Variants in ARID5B observed in about 807,000 individuals in gnomAD.
ARID5B encodes AT-rich interaction domain 5B.
ARID5B carries 13 observed loss-of-function variants against 97.2 expected under a neutral mutation model. That is an observed-to-expected ratio of 0.13 (90% CI 0.09 to 0.21). The LOEUF is 0.21. ARID5B is among the 10% of genes least tolerant of loss of function. The pLI is 1.00. For missense variants in ARID5B, 1,210 were observed against 1,465.3 expected, an observed-to-expected ratio of 0.83 and a Z score of 2.84; for synonymous variants, 556 against 570.3, an observed-to-expected ratio of 0.97 and a Z score of 0.36.
chr10:62,093,057 C>A lies in ARID5B; in HGVS notation c.*27C>A. The A allele has an allele frequency of 6.3e-7, 1 of 1,576,276 alleles. No individual in the cohort carries two copies. The highest frequency in any genetic ancestry group is 8.6e-7 in the Non-Finnish European group (1 of 1,166,894). ...CTCAGCTCTGCCCAGCAGTCCAAAGCGGCATGGCCAACAGAGCTTCACTCC... is the reference window on the plus strand; with the variant it reads ...CTCAGCTCTGCCCAGCAGTCCAAAGAGGCATGGCCAACAGAGCTTCACTCC... On this transcript the variant is annotated 3_prime_UTR_variant, in exon 10 of 10. Coordinates refer to ENST00000279873, the MANE Select transcript of ARID5B (RefSeq NM_032199.3).
intron 2 of ARID5B, among the ~76,000 whole-genome samples, chr10:61,933,683 G>A (rs946862350): frequency 1.3e-5 from 2 of 152,170 alleles, no homozygotes; most frequent in African/African-American, 4.8e-5. Context: ...TGAGCAATAG[G>A]TCTCAACAGC....
intron 2 of ARID5B, among the ~76,000 whole-genome samples, chr10:61,939,523 A>C (rs80342318): frequency 0.023 from 3,525 of 152,254 alleles, 124 homozygotes; most frequent in African/African-American, 0.08. Context: ...CCTCTACCCC[A>C]TCTGTATTAA....
chr10:61,949,639 AC>A (rs1293825284), intron 3 of ARID5B, among the ~76,000 whole-genome samples: 1 of 152,050 alleles, frequency 6.6e-6, no homozygotes, highest in Non-Finnish European at 1.5e-5. Context: ...CTTTGTCCAC[AC>A]CACCCCCCCA....
In ARID5B at chr10:62,093,871, A is replaced by G. The variant is rs1284759873; in HGVS notation, c.*841A>G. 4 of 233,558 alleles carry G rather than the reference A, an allele frequency of 1.7e-5. No individual in the cohort carries two copies. In the Admixed American group the frequency reaches 2.2e-4, roughly 13 times the overall value. 14.5% of individuals were successfully genotyped at this position (233,558 alleles called of 1,614,324 possible). ...ACAAATGAAAAAGAAACAGTCAAGC[A>G]CACAATAGTGCAAAGAACGTTCCTT... On this transcript the variant is annotated 3_prime_UTR_variant, in exon 10 of 10. Transcript: ENST00000279873.
At chr10:61,976,010 CT>C (rs1281100012) in intron 3 of ARID5B, among the ~76,000 whole-genome samples, 3 of 152,174 alleles carry the variant, frequency 2.0e-5, no homozygotes, top group African/African-American at 7.2e-5. Context: ...TTTATTAGAG[CT>C]TTTAATACAT....
intron 4 of ARID5B, among the ~76,000 whole-genome samples, chr10:62,045,587 A>G (rs774247608): frequency 1.3e-5 from 2 of 151,920 alleles, no homozygotes; most frequent in Non-Finnish European, 2.9e-5. Flanking sequence ...AGTAGCTGGG[A>G]CTACAGGTGC....
intron 4 of ARID5B, chr10:62,024,917 A>G (rs1230186438): frequency 6.2e-6 from 2 of 323,408 alleles, no homozygotes; most frequent in African/African-American, 4.2e-5. Context: ...AAAGATAGCT[A>G]CTTGATTACT....
intron 5 of ARID5B, among the ~76,000 whole-genome samples, chr10:62,055,773 TGTGTTCACTTGAG>T (rs1420347238): frequency 2.6e-5 from 4 of 152,326 alleles, no homozygotes; most frequent in Admixed American, 2.6e-4. Context: ...TTAAACTGTA[TGTGTTCACTTGAG>T]AGAATAAGCA....
chr10:61,925,709 T>C (rs1237707613), intron 2 of ARID5B, among the ~76,000 whole-genome samples: 1 of 152,196 alleles, frequency 6.6e-6, no homozygotes, highest in African/African-American at 2.4e-5. Flanking sequence ...AGGGTGTTTC[T>C]AGGACTTTCT....
intron 3 of ARID5B, among the ~76,000 whole-genome samples, chr10:61,992,352 G>A (rs965747882): frequency 6.6e-6 from 1 of 152,126 alleles, no homozygotes; most frequent in African/African-American, 2.4e-5. Flanking sequence ...TTCCCACTGC[G>A]TTCATTTGTT....
intron 2 of ARID5B, among the ~76,000 whole-genome samples, chr10:61,927,828 G>T (rs185791916): frequency 1.3e-5 from 2 of 152,206 alleles, no homozygotes; most frequent in East Asian, 1.9e-4. Flanking sequence ...TTATAATACC[G>T]CATGAAAGAA....
At chr10:62,032,611 A>C (rs1350360015) in intron 4 of ARID5B, among the ~76,000 whole-genome samples, 1 of 152,164 alleles carries the variant, frequency 6.6e-6, no homozygotes, top group Non-Finnish European at 1.5e-5. Context: ...GCTGCTCGGG[A>C]GGCTGAGGCA....
rs761958341 is a variant in ARID5B at position 62,092,509 on chromosome 10, C to A, written c.3046C>A (p.Leu1016Met). Residue 1016 changes from leucine to methionine, a missense_variant, in exon 10 of 10, where the codon CTG (leucine) becomes ATG (methionine). Transcript: ENST00000279873. ...GGCGGCGCGGCCGATCAAGCGCAGCCTGGAGGATTTGGACCTTGTGATTGC... is the reference window on the plus strand; with the variant it reads ...GGCGGCGCGGCCGATCAAGCGCAGCATGGAGGATTTGGACCTTGTGATTGC... ...IGAARPIKRS[L>M]EDLDLVIAGK... is the part of the protein sequence containing the mutation. 1.9e-6 allele frequency: 3 copies of A among 1,614,060 alleles called. No individual in the cohort carries two copies. Among genetic ancestry groups the A allele is most frequent in the East Asian group, 2.2e-5 (1 of 44,896 alleles).
intron 3 of ARID5B, among the ~76,000 whole-genome samples, chr10:61,986,933 G>T (rs746630637): frequency 9.9e-5 from 15 of 152,154 alleles, no homozygotes; most frequent in Non-Finnish European, 4.4e-5. Flanking sequence ...GGAACCCAAG[G>T]CTTAACAAAA....
At chr10:62,031,808 A>G (rs1198980539) in intron 4 of ARID5B, among the ~76,000 whole-genome samples, 1 of 152,210 alleles carries the variant, frequency 6.6e-6, no homozygotes, top group Non-Finnish European at 1.5e-5. Context: ...CAGAGTTGCC[A>G]GATCTCTCAA....
At chr10:61,946,538 C>T (rs1298932145) in intron 3 of ARID5B, among the ~76,000 whole-genome samples, 6 of 152,186 alleles carry the variant, frequency 3.9e-5, no homozygotes, top group Admixed American at 3.3e-4. Flanking sequence ...TTTCTTAACA[C>T]TGCAACTTGA....
chr10:62,077,223 C>T (rs1364048193), intron 8 of ARID5B, among the ~76,000 whole-genome samples: 1 of 152,210 alleles, frequency 6.6e-6, no homozygotes, highest in Non-Finnish European at 1.5e-5. Flanking sequence ...TAGTCTGTAT[C>T]ACTCAGCATG....
chr10:61,904,364 A>C (rs1360631219), intron 2 of ARID5B, among the ~76,000 whole-genome samples: 1 of 152,182 alleles, frequency 6.6e-6, no homozygotes, highest in Non-Finnish European at 1.5e-5. Context: ...TGGTGTAATT[A>C]AATGGTGAAT....
chr10:62,031,832 G>T (rs1839500939), intron 4 of ARID5B, among the ~76,000 whole-genome samples: 2 of 152,246 alleles, frequency 1.3e-5, no homozygotes, highest in Non-Finnish European at 2.9e-5. Context: ...CTTAAGAAAA[G>T]CTAGATATAC....
Sources: gnomAD v4.1 joint callset for allele counts (sites outside exome capture counted in the v4.1 genomes callset) on GRCh38, gnomAD v4.1.1 for gene constraint, MANE v1.5 for transcripts, NCBI Gene and HGNC (gene_info 2026-07-23, HGNC 2026-07-21) for gene names.